KDM4B: variants seen among roughly 807,000 people sequenced by gnomAD.
KDM4B encodes the protein lysine demethylase 4B, also known as lysine-specific demethylase 4B.
KDM4B carries 32 observed loss-of-function variants against 125.2 expected under a neutral mutation model. The ratio of observed to expected loss-of-function variants is 0.26; its 90% CI spans 0.19 to 0.34. KDM4B has a LOEUF of 0.34. Ranked by LOEUF, KDM4B falls within the 10% of genes least tolerant of loss-of-function variation. The probability of loss-of-function intolerance (pLI) is 1.00; values close to 1 mark genes in which losing one functional copy is unlikely to be tolerated. For missense variants in KDM4B, 1,190 were observed against 1,577.7 expected (o/e 0.75, Z 4.16); for synonymous variants, 721 against 677.9 (o/e 1.06, Z -0.99).
chr19:5,031,815 C>T (rs1432257018), intron 2 of KDM4B, among the ~76,000 whole-genome samples: 4 of 152,200 alleles, frequency 2.6e-5, no homozygotes, highest in Non-Finnish European at 5.9e-5. Context: ...CCTTCAGGAG[C>T]GGGTGGCTGC....
chr19:5,051,008 G>A (rs2145723767), intron 6 of KDM4B, among the ~76,000 whole-genome samples: 2 of 152,294 alleles, frequency 1.3e-5, no homozygotes, highest in Non-Finnish European at 2.9e-5. Flanking sequence ...TCCCCTCCAG[G>A]CATCCCCTCC....
chr19:5,038,587 A>G lies in KDM4B; in HGVS notation c.142-1249A>G, dbSNP rs1008316805. On this transcript the variant is annotated intron_variant, in intron 3 of 22. Transcript: ENST00000159111. ...CTCTGCTGTCTTCTCCGCGTGTTCC[A>G]GTGTCTGAGGTGGCCCAGGACCTCT... Among the ~76,000 whole-genome samples the G allele has an allele frequency of 1.1e-4, 16 of 152,070 alleles. 1 individual carries two copies. Among genetic ancestry groups the G allele is most frequent in the African/African-American group, 3.9e-4 (16 of 41,418 alleles).
intron 11 of KDM4B, among the ~76,000 whole-genome samples, chr19:5,126,651 T>G: frequency 6.6e-6 from 1 of 152,210 alleles, no homozygotes; most frequent in South Asian, 2.1e-4. Flanking sequence ...AAGGCTGCCA[T>G]GTCTGGAGGG....
At chr19:5,032,140 C>G (rs79119305) in intron 2 of KDM4B, among the ~76,000 whole-genome samples, 2 of 152,166 alleles carry the variant, frequency 1.3e-5, no homozygotes, top group African/African-American at 4.8e-5. Flanking sequence ...GAGCCGCTCC[C>G]GCCCGCAGCC....
At chr19:5,103,522 C>T (rs1245972953) in intron 9 of KDM4B, among the ~76,000 whole-genome samples, 1 of 152,184 alleles carries the variant, frequency 6.6e-6, no homozygotes, top group Non-Finnish European at 1.5e-5. Flanking sequence ...GCACTGCTTC[C>T]AGCTCTTTGG....
At chr19:5,133,440 T>C (rs2039593310) in intron 13 of KDM4B, among the ~76,000 whole-genome samples, 1 of 152,150 alleles carries the variant, frequency 6.6e-6, no homozygotes, top group African/African-American at 2.4e-5. Context: ...GAGTCTCGGC[T>C]GGTCACTGCC....
At chr19:5,103,044 G>T (rs1318037514) in intron 9 of KDM4B, among the ~76,000 whole-genome samples, 1 of 152,230 alleles carries the variant, frequency 6.6e-6, no homozygotes, top group South Asian at 2.1e-4. Flanking sequence ...GCCAGTCCTG[G>T]TGATGGCCTG....
At chr19:5,069,663 G>A (rs948154647) in intron 6 of KDM4B, among the ~76,000 whole-genome samples, 1 of 152,128 alleles carries the variant, frequency 6.6e-6, no homozygotes, top group Non-Finnish European at 1.5e-5. Flanking sequence ...GCCCAGGCTG[G>A]AGTGCAGTGG....
At chr19:5,067,177 G>A (rs868117989) in intron 6 of KDM4B, among the ~76,000 whole-genome samples, 2 of 152,100 alleles carry the variant, frequency 1.3e-5, no homozygotes, top group African/African-American at 2.4e-5. Context: ...CACCTGCTCC[G>A]TGCTCGGAGA....
intron 9 of KDM4B, among the ~76,000 whole-genome samples, chr19:5,109,332 C>CA (rs1346005986): frequency 1.3e-5 from 2 of 152,216 alleles, no homozygotes; most frequent in Non-Finnish European, 2.9e-5. Context: ...CATCTGGGTT[C>CA]ATGCCCTCTG....
intron 21 of KDM4B, among the ~76,000 whole-genome samples, chr19:5,149,174 A>T (rs1388872111): frequency 6.6e-6 from 1 of 152,188 alleles, no homozygotes; most frequent in Non-Finnish European, 1.5e-5. Flanking sequence ...GCTCCCTTGG[A>T]GAGGGAGGTG....
At chr19:5,001,665 A>G (rs757431670) in intron 1 of KDM4B, among the ~76,000 whole-genome samples, 15 of 152,146 alleles carry the variant, frequency 9.9e-5, no homozygotes, top group Non-Finnish European at 1.5e-4. Context: ...CTAAACACCC[A>G]TGTAAGTCCT....
At chr19:5,056,897 CCTGGGGCGGGGAGT>C (rs2037416945) in intron 6 of KDM4B, among the ~76,000 whole-genome samples, 2 of 57,220 alleles carry the variant, frequency 3.5e-5, no homozygotes, top group African/African-American at 7.3e-5. Context: ...GGCGGGGAGT[CCTGGGGCGGGGAGT>C]CCTGGGGTGT....
chr19:5,003,075 T>G (rs2035442529), intron 1 of KDM4B, among the ~76,000 whole-genome samples: 1 of 152,240 alleles, frequency 6.6e-6, no homozygotes, highest in Non-Finnish European at 1.5e-5. Flanking sequence ...TCTCGTATGA[T>G]TCCTCCTTTA....
chr19:5,110,716 A>G lies in KDM4B; in HGVS notation c.1013A>G (p.Asp338Gly). The G allele has an allele frequency of 6.2e-7, 1 of 1,612,824 alleles. No individual in the cohort carries two copies. Residue 338 changes from aspartate to glycine, a missense_variant, in exon 10 of 23, where the codon GAC (aspartate) becomes GGC (glycine). Physicochemically the swap from Asp to Gly is moderately conservative, Grantham distance 94. This residue lies in a region of KDM4B where 428 missense variants were observed against 405.1 expected (regional missense o/e 1.06). Coordinates refer to ENST00000159111, the MANE Select transcript of KDM4B (RefSeq NM_015015.3). ...ERYELWKQGKDLTVLDHTRPT... is the reference protein window; with the variant it reads ...ERYELWKQGKGLTVLDHTRPT... ...TACGAGCTGTGGAAGCAGGGCAAGG[A>G]CCTCACGGTGCTGGACCACACGCGG...
At chr19:5,092,920 CA>C (rs60248527) in intron 9 of KDM4B, among the ~76,000 whole-genome samples, 40,793 of 152,100 alleles carry the variant, frequency 0.27, 6,034 homozygotes, top group East Asian at 0.68. Context: ...AAGGAGGGAT[CA>C]GGGGAGGCCG....
At position 5,008,224 on chromosome 19, in the gene KDM4B, G is replaced by A. The variant is rs370044689; in HGVS notation, c.-108-8033G>A. On this transcript the variant is annotated intron_variant, in intron 1 of 22. Transcript: ENST00000159111. Reference sequence around the variant, plus strand: ...AGGTAAGGGTCCACCTTCATTTTTTGTGTGTGAATATCCAGCTGTCCCAGC... The same window carrying A: ...AGGTAAGGGTCCACCTTCATTTTTTATGTGTGAATATCCAGCTGTCCCAGC... Among the ~76,000 whole-genome samples the A allele has an allele frequency of 2.8e-4, 42 of 152,304 alleles. No individual in the cohort carries two copies. In the South Asian group the frequency reaches 7.9e-3, roughly 29 times the overall value.
Position 5,131,082 on chromosome 19 carries a change from G to A in KDM4B, c.1322G>A (p.Gly441Glu). The change falls in exon 12 of 23, where the codon GGG becomes GAG. Residue 441 changes from glycine to glutamate, a missense_variant. By Grantham distance (98) the Gly-to-Glu change is moderately conservative. Transcript: ENST00000159111. The stretch of plus-strand genomic sequence containing the variant: ...CCCTCTCCTCTTCCCACAGAGGACG[G>A]GAGGGGCAAGCTGCGGCCAACCAAG... Reference protein sequence around the residue: ...GREAEGAEEDGRGKLRPTKAK... With the variant: ...GREAEGAEEDERGKLRPTKAK... The A allele has an allele frequency of 6.6e-7, 1 of 1,510,098 alleles. No homozygotes were observed. The highest frequency in any genetic ancestry group is 8.9e-7 in the Non-Finnish European group (1 of 1,128,996). 93.5% of individuals were successfully genotyped at this position (1,510,098 alleles called of 1,614,324 possible).
intron 18 of KDM4B, among the ~76,000 whole-genome samples, chr19:5,143,613 C>T (rs2039784063): frequency 6.6e-6 from 1 of 152,160 alleles, no homozygotes; most frequent in South Asian, 2.1e-4. Flanking sequence ...GTTCCTCTGG[C>T]TGAGCGACAC....
Sources: allele counts gnomAD v4.1 joint callset (sites outside exome capture counted in the v4.1 genomes callset), GRCh38; gene constraint gnomAD v4.1.1; regional missense constraint gnomAD v4.1.1; transcripts MANE v1.5; gene names NCBI Gene and HGNC (gene_info 2026-07-23, HGNC 2026-07-21).